Variants in DIXDC1 observed in about 807,000 individuals in gnomAD.
DIXDC1 encodes the protein dixin.
In DIXDC1, 64 loss-of-function variants were observed where a neutral mutation model predicts 103.1. The observed-to-expected ratio is 0.62, with a 90% CI of 0.51 to 0.76. DIXDC1 has a LOEUF of 0.76. Among genes scored for constraint, DIXDC1 ranks in the 30% least tolerant of loss-of-function variants. The pLI is 0.00. For missense variants in DIXDC1, 759 were observed against 834.2 expected, an observed-to-expected ratio of 0.91 and a Z score of 1.11; for synonymous variants, 266 against 298.5, an observed-to-expected ratio of 0.89 and a Z score of 1.12.
At chr11:111,942,730 C>T (rs782314739) in intron 1 of DIXDC1, among the ~76,000 whole-genome samples, 1 of 152,136 alleles carries the variant, frequency 6.6e-6, no homozygotes, top group Non-Finnish European at 1.5e-5. Flanking sequence ...AAATCTTTAG[C>T]TCTTTACTTT....
chr11:111,980,664 A>G, intron 5 of DIXDC1, 73 bp from the exon 6 acceptor site: 1 of 1,259,738 alleles, frequency 7.9e-7, no homozygotes, highest in Non-Finnish European at 1.1e-6. Flanking sequence ...TGTTCTCAGG[A>G]ATAAATTATG....
At position 112,019,122 on chromosome 11, in the gene DIXDC1, TAAG is replaced by T. The variant is rs1861682990; in HGVS notation, c.*90_*92del. 8.6e-7 allele frequency: 1 copy of T among 1,164,764 alleles called. No individual in the cohort carries two copies. The allele number at this position is 1,164,764 out of a possible 1,614,324, so 72.2% of individuals were successfully genotyped here. Reference sequence around the variant, plus strand: ...AAAGGGAACTAAAACCAGAATACACTAAGAAGTTTCTAGTTTGTGTGCCAAAAC... The same window carrying T: ...AAAGGGAACTAAAACCAGAATACACTAAGTTTCTAGTTTGTGTGCCAAAAC... On this transcript the variant is annotated 3_prime_UTR_variant, in exon 20 of 20. Coordinates refer to ENST00000440460, the MANE Select transcript of DIXDC1 (RefSeq NM_001037954.4).
chr11:111,946,663 C>G, intron 1 of DIXDC1: 1 of 287,670 alleles, frequency 3.5e-6, no homozygotes. Context: ...ACCCAGCCAA[C>G]ATGTTTTTTT....
In DIXDC1 at chr11:111,943,503, T is replaced by G. The variant is rs1348788790; in HGVS notation, c.60+5944T>G. The stretch of plus-strand genomic sequence containing the variant: ...TCTTTCTCTCTTTTTTTTTTTTTTT[T>G]TTTTTTTGTTTTTTGAGACGGAGGC... On this transcript the variant is annotated intron_variant, in intron 1 of 19. Coordinates refer to ENST00000440460, the MANE Select transcript of DIXDC1 (RefSeq NM_001037954.4). 8.3e-5 allele frequency among the ~76,000 whole-genome samples: 12 copies of G among 144,364 alleles called. 1 individual carries two copies. Among genetic ancestry groups the G allele is most frequent in the South Asian group, 2.3e-4 (1 of 4,374 alleles). The allele number at this position is 144,364 out of a possible 152,430, so 94.7% of individuals were successfully genotyped here. A position where few individuals can be genotyped will look rare whatever the true frequency, so the allele number is the denominator to read the frequency against.
chr11:111,982,079 G>A (rs1333659458), intron 6 of DIXDC1: 2 of 289,702 alleles, frequency 6.9e-6, no homozygotes, highest in East Asian at 5.8e-5. Flanking sequence ...GCATACCAAG[G>A]CTCCCGTGGA....
rs1303392989 is a variant in DIXDC1, at chr11:111,976,665, C to G, written c.656+1682C>G. Among the ~76,000 whole-genome samples, 3 of 152,102 alleles carry G rather than the reference C, an allele frequency of 2.0e-5. No homozygotes were observed. Among genetic ancestry groups the G allele is most frequent in the African/African-American group, 7.2e-5 (3 of 41,412 alleles). On this transcript the variant is annotated intron_variant, in intron 5 of 19. Coordinates refer to ENST00000440460, the MANE Select transcript of DIXDC1 (RefSeq NM_001037954.4). The surrounding 1 kb of genome is among the most constrained non-coding windows in gnomAD (Gnocchi z 4.3). ...GACCCATGAAGAGCCCAGGAGCCCCCAGATGTGGCTTGCTCAGGACGGGAG... is the reference window on the plus strand; with the variant it reads ...GACCCATGAAGAGCCCAGGAGCCCCGAGATGTGGCTTGCTCAGGACGGGAG...
At chr11:111,990,542 G>A (rs2137574226) in intron 10 of DIXDC1, among the ~76,000 whole-genome samples, 1 of 152,220 alleles carries the variant, frequency 6.6e-6, no homozygotes, top group Admixed American at 6.5e-5. Flanking sequence ...TATGTCAGTA[G>A]TACATAAAGA....
chr11:111,931,672 A>C (rs1372206363), intron 2 of DIXDC1, among the ~76,000 whole-genome samples: 36 of 152,132 alleles, frequency 2.4e-4, no homozygotes, highest in Admixed American at 2.4e-3. Context: ...ATAATTAAAA[A>C]AAGACTACAT....
intron 2 of DIXDC1, among the ~76,000 whole-genome samples, 182 bp downstream of exon 2, chr11:111,964,860 C>T (rs1555171368): frequency 5.3e-5 from 8 of 152,148 alleles, no homozygotes; most frequent in Non-Finnish European, 1.2e-4. Flanking sequence ...AACATTGTGT[C>T]CCGGGCACTG....
chr11:111,995,692 C>CT, intron 16 of DIXDC1, 128 bp downstream of exon 16: 1 of 1,240,108 alleles, frequency 8.1e-7, no homozygotes, highest in South Asian at 1.6e-5. Flanking sequence ...TTGTTTTTCT[C>CT]TATTGTTTTT....
Position 111,995,023 on chromosome 11 carries a change from CCAACTA to C in DIXDC1, c.1447_1452del (p.Tyr483_Asn484del). On this transcript the variant is annotated inframe_deletion, in exon 15 of 20. Coordinates refer to ENST00000440460, the MANE Select transcript of DIXDC1 (RefSeq NM_001037954.4). ...CATTTCTTCATGCTGCTGTAGGCGA[CCAACTA>C]CAACAGTCACAACTCTCAAAGCAAT... 1 of 1,613,348 alleles carries C rather than the reference CCAACTA, an allele frequency of 6.2e-7. No individual in the cohort carries two copies. The highest frequency in any genetic ancestry group is 1.1e-5 in the South Asian group (1 of 91,022).
chr11:111,977,433 G>A lies in DIXDC1; in HGVS notation c.656+2450G>A. On this transcript the variant is annotated intron_variant, in intron 5 of 19. Coordinates refer to ENST00000440460, the MANE Select transcript of DIXDC1 (RefSeq NM_001037954.4). The surrounding 1 kb of genome is among the most constrained non-coding windows in gnomAD (Gnocchi z 6.1). Reference sequence around the variant, plus strand: ...CCCGCCAGGGGGGATGCCCGGCACCGTGCGTCCGCGGAGGCCAAGATGCAG... The same window carrying A: ...CCCGCCAGGGGGGATGCCCGGCACCATGCGTCCGCGGAGGCCAAGATGCAG... The A allele has an allele frequency of 1.6e-6, 2 of 1,212,538 alleles. No individual in the cohort carries two copies. Among genetic ancestry groups the A allele is most frequent in the South Asian group, 3.9e-5 (2 of 50,916 alleles). 75.1% of individuals were successfully genotyped at this position (1,212,538 alleles called of 1,614,324 possible).
chr11:111,941,100 G>C (rs1422571650), intron 1 of DIXDC1, among the ~76,000 whole-genome samples: 2 of 152,150 alleles, frequency 1.3e-5, no homozygotes, highest in African/African-American at 4.8e-5. Flanking sequence ...CTCCGGCTTA[G>C]ATGACAGAGA....
chr11:111,931,863 A>G (rs587748033), intron 2 of DIXDC1, among the ~76,000 whole-genome samples: 3 of 152,262 alleles, frequency 2.0e-5, no homozygotes, highest in African/African-American at 7.2e-5. Flanking sequence ...ATGTTAGTGT[A>G]ATTACTGATG....
At chr11:112,005,161 G>T (rs1314073159) in intron 17 of DIXDC1, among the ~76,000 whole-genome samples, 3 of 152,052 alleles carry the variant, frequency 2.0e-5, no homozygotes, top group Non-Finnish European at 4.4e-5. Context: ...CTCAACTACT[G>T]TTTATAGGAA....
chr11:111,991,125 A>G (rs1860699563), intron 10 of DIXDC1, among the ~76,000 whole-genome samples: 2 of 152,226 alleles, frequency 1.3e-5, no homozygotes, highest in South Asian at 2.1e-4. Context: ...CATGGGCTAG[A>G]CTATTCACTC....
At chr11:111,975,085 C>T (rs782439810) in intron 5 of DIXDC1, 102 bp downstream of exon 5, 32 of 1,527,770 alleles carry the variant, frequency 2.1e-5, no homozygotes, top group Middle Eastern at 4.6e-4. Context: ...CTTTTTCTCC[C>T]CTCAGTTTAT....
chr11:111,949,015 C>A (rs1966690271), intron 1 of DIXDC1, among the ~76,000 whole-genome samples: 1 of 151,840 alleles, frequency 6.6e-6, no homozygotes, highest in African/African-American at 2.4e-5. Context: ...AGCCCTGCAA[C>A]TGTGGGCATA....
intron 1 of DIXDC1, among the ~76,000 whole-genome samples, chr11:111,961,011 G>A (rs1000194398): frequency 6.6e-6 from 1 of 152,194 alleles, no homozygotes; most frequent in South Asian, 2.1e-4. Context: ...GTGCAGCCAG[G>A]TATGGCAACA....
Sources: gnomAD v4.1 joint callset for allele counts (sites outside exome capture counted in the v4.1 genomes callset) on GRCh38, gnomAD v4.1.1 for gene constraint, Gnocchi (gnomAD v3.1) non-coding constraint, MANE v1.5 for transcripts, NCBI Gene and HGNC (gene_info 2026-07-23, HGNC 2026-07-21) for gene names.